Variants in NAT1 observed in about 807,000 individuals in gnomAD.
The protein encoded by NAT1 is N-acetyltransferase 1, also known as arylamine N-acetyltransferase 1.
For synonymous variants in NAT1, 144 were observed against 122.6 expected, an observed-to-expected ratio of 1.17 and a Z score of -1.16; for missense variants, 400 against 339.2, an observed-to-expected ratio of 1.18 and a Z score of -1.41.
intron 2 of NAT1, among the ~76,000 whole-genome samples, chr8:18,174,257 T>C (rs748865186): frequency 1.2e-4 from 19 of 152,298 alleles, no homozygotes; most frequent in Non-Finnish European, 2.2e-4. Flanking sequence ...ACTGGACTTA[T>C]ATCCACCATC....
rs183372338 is a variant in NAT1 at position 18,215,427 on chromosome 8, G to A, written c.-85-3984G>A. On this transcript the variant is annotated intron_variant, in intron 1 of 2. Coordinates refer to ENST00000307719, the MANE Select transcript of NAT1 (RefSeq NM_000662.8). ...TTCTGCCACATAAGCAATGTGATAC[G>A]ATATTGTATCTATATGGTTCCTTTC... Among the ~76,000 whole-genome samples, 283 of 152,232 alleles carry A rather than the reference G, an allele frequency of 1.9e-3. 2 individuals carry two copies. The highest frequency in any genetic ancestry group is 6.4e-3 in the African/African-American group (266 of 41,534).
chr8:18,181,697 G>T (rs1222248689), intron 2 of NAT1, among the ~76,000 whole-genome samples: 3 of 152,162 alleles, frequency 2.0e-5, no homozygotes, highest in Non-Finnish European at 4.4e-5. Flanking sequence ...CATTTGGTAT[G>T]ATGTTAGCTG....
intron 2 of NAT1, among the ~76,000 whole-genome samples, chr8:18,195,468 T>TAG (rs1554470890): frequency 6.6e-6 from 1 of 151,200 alleles, no homozygotes; most frequent in Non-Finnish European, 1.5e-5. Flanking sequence ...ACACCTGTAA[T>TAG]AGCTGGACAA....
intron 1 of NAT1, among the ~76,000 whole-genome samples, chr8:18,213,267 G>GT (rs1804291470): frequency 6.6e-6 from 1 of 151,604 alleles, no homozygotes; most frequent in South Asian, 2.1e-4. Context: ...TTTTTTCAAT[G>GT]TTTTTTGTCT....
chr8:18,201,699 C>G (rs1480991349), intron 2 of NAT1, among the ~76,000 whole-genome samples: 1 of 152,200 alleles, frequency 6.6e-6, no homozygotes, highest in Non-Finnish European at 1.5e-5. Flanking sequence ...GCTATTCTGA[C>G]AGTGGAGTAC....
At chr8:18,175,343 T>G (rs917359747) in intron 2 of NAT1, among the ~76,000 whole-genome samples, 9 of 152,090 alleles carry the variant, frequency 5.9e-5, no homozygotes, top group Non-Finnish European at 1.3e-4. Context: ...TCGTACCCTT[T>G]GATCAACATC....
intron 1 of NAT1, among the ~76,000 whole-genome samples, chr8:18,214,886 T>C (rs185145976): frequency 1.3e-5 from 2 of 152,324 alleles, no homozygotes; most frequent in East Asian, 3.9e-4. Context: ...TGCTTCTTTG[T>C]ATTAATTAAT....
chr8:18,219,551 T>G, intron 2 of NAT1, 62 bp downstream of exon 2: 1 of 843,368 alleles, frequency 1.2e-6, no homozygotes, highest in East Asian at 2.7e-5. Flanking sequence ...TCTGCCTCCT[T>G]TAAGTCTTAT....
intron 2 of NAT1, among the ~76,000 whole-genome samples, chr8:18,171,893 G>A (rs781291225): frequency 2.0e-5 from 3 of 152,166 alleles, no homozygotes; most frequent in Admixed American, 2.0e-4. Context: ...AACTGGTAGC[G>A]ATCTTCTCTG....
chr8:18,187,162 C>A (rs139621640), intron 2 of NAT1, among the ~76,000 whole-genome samples: 347 of 152,258 alleles, frequency 2.3e-3, no homozygotes, highest in African/African-American at 8.1e-3. Flanking sequence ...CCATCTGACA[C>A]CGGTCACTGT....
At chr8:18,200,193 G>A (rs1341835595) in intron 2 of NAT1, among the ~76,000 whole-genome samples, 2 of 152,296 alleles carry the variant, frequency 1.3e-5, no homozygotes, top group Admixed American at 6.5e-5. Flanking sequence ...ATTATTGGGT[G>A]TATACCCAAA....
rs1804765668 is a variant in NAT1 at position 18,217,208 on chromosome 8, C to T, written c.-85-2203C>T. On this transcript the variant is annotated intron_variant, in intron 1 of 2. Transcript: ENST00000307719. ...AGCCACAAAGGAGAAATTTGGTATCCAGTTTCTACAACAGCCTGCCAGTCC... is the reference window on the plus strand; with the variant it reads ...AGCCACAAAGGAGAAATTTGGTATCTAGTTTCTACAACAGCCTGCCAGTCC... Among the ~76,000 whole-genome samples, 3 of 152,142 alleles carry T rather than the reference C, an allele frequency of 2.0e-5. No individual in the cohort carries two copies. The South Asian group carries it at 6.2e-4, about 32-fold the overall frequency.
At chr8:18,195,284 G>A (rs990166605) in intron 2 of NAT1, among the ~76,000 whole-genome samples, 2 of 152,222 alleles carry the variant, frequency 1.3e-5, no homozygotes, top group African/African-American at 4.8e-5. Flanking sequence ...TGAGAGTGAA[G>A]GAGGTAGAGG....
chr8:18,204,806 G>A (rs760837323), intron 2 of NAT1, among the ~76,000 whole-genome samples: 43 of 152,316 alleles, frequency 2.8e-4, no homozygotes, highest in Admixed American at 4.6e-4. Flanking sequence ...TAATTTTGGT[G>A]AAGAATGTTA....
intron 2 of NAT1, among the ~76,000 whole-genome samples, chr8:18,198,606 G>A (rs1254842892): frequency 6.6e-6 from 1 of 152,156 alleles, no homozygotes; most frequent in East Asian, 1.9e-4. Context: ...AGTGTATAAA[G>A]GTTTTATTTT....
chr8:18,222,931 A>C lies in NAT1; in HGVS notation c.*11A>C, dbSNP rs55793712. 4.6e-6 allele frequency: 7 copies of C among 1,527,042 alleles called. No individual in the cohort carries two copies. In the East Asian group the frequency reaches 1.1e-4, roughly 25 times the overall value. The allele number at this position is 1,527,042 out of a possible 1,614,324, so 94.6% of individuals were successfully genotyped here. On this transcript the variant is annotated 3_prime_UTR_variant, in exon 3 of 3. Coordinates refer to ENST00000307719, the MANE Select transcript of NAT1 (RefSeq NM_000662.8). ...TTTTTTACTATTTAGAATAAGGAGT[A>C]AAACAATCTTGTCTATTTGTCATCC... is the stretch of plus-strand genomic sequence containing the variant.
intron 2 of NAT1, among the ~76,000 whole-genome samples, chr8:18,192,665 A>G (rs1370297935): frequency 6.6e-6 from 1 of 152,168 alleles, no homozygotes; most frequent in East Asian, 1.9e-4. Flanking sequence ...CAGCCATAAA[A>G]AAGGATGAGT....
intron 2 of NAT1, among the ~76,000 whole-genome samples, chr8:18,187,749 A>AG (rs1420627234): frequency 2.0e-5 from 3 of 152,072 alleles, no homozygotes; most frequent in African/African-American, 7.2e-5. Flanking sequence ...AAATACCTGT[A>AG]GGGTACTATG....
At chr8:18,171,856 C>T (rs762728043) in intron 2 of NAT1, among the ~76,000 whole-genome samples, 1 of 152,152 alleles carries the variant, frequency 6.6e-6, no homozygotes, top group Non-Finnish European at 1.5e-5. Flanking sequence ...AACCTAATTA[C>T]TTAAAAGTAA....
Sources: allele counts gnomAD v4.1 joint callset (sites outside exome capture counted in the v4.1 genomes callset), GRCh38; gene constraint gnomAD v4.1.1; transcripts MANE v1.5; gene names NCBI Gene and HGNC (gene_info 2026-07-23, HGNC 2026-07-21).